TULP4: variants seen among roughly 807,000 people sequenced by gnomAD.
The protein encoded by TULP4 is tubby-related protein 4.
A neutral mutation model predicts 129.0 loss-of-function variants in TULP4; 16 were observed. That is an observed-to-expected ratio of 0.12 (90% CI 0.08 to 0.19). The LOEUF (loss-of-function observed/expected upper bound fraction) is 0.19, where lower values mean the gene tolerates loss of function less well. Ranked by LOEUF, TULP4 falls within the 10% of genes least tolerant of loss-of-function variation. The pLI is 1.00. For synonymous variants in TULP4, 998 were observed against 854.0 expected (o/e 1.17, Z -2.94); for missense variants, 1,842 against 2,059.1 (o/e 0.89, Z 2.04).
At chr6:158,487,872 C>T (rs1780108740) in intron 8 of TULP4, among the ~76,000 whole-genome samples, 1 of 152,232 alleles carries the variant, frequency 6.6e-6, no homozygotes, top group Non-Finnish European at 1.5e-5. Flanking sequence ...TTTATCAAGT[C>T]TCAGGTATTG....
In TULP4 at chr6:158,455,731, C is replaced by T. The variant is rs1231275226; in HGVS notation, c.859+3463C>T. Among the ~76,000 whole-genome samples the T allele has an allele frequency of 1.4e-4, 16 of 110,750 alleles. No homozygotes were observed. The South Asian group carries it at 2.3e-3, about 16-fold the overall frequency. The allele number at this position is 110,750 out of a possible 152,430, so 72.7% of individuals were successfully genotyped here. ...TAGCCTGGGTAACAGAGCAAGACTC[C>T]GTCTCAAAAAAAAAAAAAAAATTAT... On this transcript the variant is annotated intron_variant, in intron 5 of 13. Transcript: ENST00000367097.
At chr6:158,383,205 T>C (rs559126194) in intron 1 of TULP4, among the ~76,000 whole-genome samples, 1 of 152,174 alleles carries the variant, frequency 6.6e-6, no homozygotes, top group African/African-American at 2.4e-5. Context: ...GACTTCAGAC[T>C]GGGGTGCTTC....
chr6:158,346,815 C>CTTG (rs1197523950), intron 1 of TULP4, among the ~76,000 whole-genome samples: 1 of 19,406 alleles, frequency 5.2e-5, no homozygotes, highest in Non-Finnish European at 1.2e-4. Flanking sequence ...TTCCTCATGA[C>CTTG]TTGATGATGA....
At chr6:158,494,513 A>C (rs1047738420) in intron 10 of TULP4, among the ~76,000 whole-genome samples, 1 of 152,134 alleles carries the variant, frequency 6.6e-6, no homozygotes, top group Non-Finnish European at 1.5e-5. Context: ...ACCTGTGGAC[A>C]TACATACTGG....
At chr6:158,489,467 A>C in intron 8 of TULP4, 121 bp from the exon 9 acceptor site, 1 of 1,251,126 alleles carries the variant, frequency 8.0e-7, no homozygotes. Flanking sequence ...TTTGGTTTCA[A>C]CCTCTAGGTC....
intron 3 of TULP4, among the ~76,000 whole-genome samples, chr6:158,435,978 G>T (rs1429554770): frequency 2.0e-5 from 3 of 151,154 alleles, no homozygotes; most frequent in Non-Finnish European, 1.5e-5. Context: ...CCAGTGGCAC[G>T]ATCTCGGCTC....
upstream of TULP4, chr6:158,282,194 T>C (rs1433228414): frequency 2.6e-5 from 4 of 152,184 alleles, no homozygotes; most frequent in Non-Finnish European, 5.9e-5. Context: ...TTTAAGTACT[T>C]TGAATTTATG....
At chr6:158,506,536 A>G in intron 13 of TULP4, 42 bp from the exon 14 acceptor site, 1 of 1,394,106 alleles carries the variant, frequency 7.2e-7, no homozygotes, top group Admixed American at 1.7e-5. Flanking sequence ...TGGCCTTTTC[A>G]CCTTATTCTT....
chr6:158,410,415 G>C (rs1390673699), intron 1 of TULP4, among the ~76,000 whole-genome samples: 1 of 152,158 alleles, frequency 6.6e-6, no homozygotes. Flanking sequence ...ATGACATCTT[G>C]TCATCAAGTA....
At chr6:158,444,246 A>AAAAAAAT (rs1562568657) in intron 3 of TULP4, among the ~76,000 whole-genome samples, 1 of 86,706 alleles carries the variant, frequency 1.2e-5, no homozygotes, top group African/African-American at 4.0e-5. Flanking sequence ...AAAAAAAAAA[A>AAAAAAAT]TTTTTTTTTT....
chr6:158,392,801 T>TTTTTTTG (rs1777617316), intron 1 of TULP4, among the ~76,000 whole-genome samples: 1 of 104,502 alleles, frequency 9.6e-6, no homozygotes, highest in Non-Finnish European at 2.0e-5. Flanking sequence ...TTTCTTTTTT[T>TTTTTTTG]TTTTTTTTTT....
At chr6:158,268,166 G>C (rs1489795151) in intron 1 of TULP4, among the ~76,000 whole-genome samples, 2 of 151,184 alleles carry the variant, frequency 1.3e-5, no homozygotes, top group Non-Finnish European at 2.9e-5. Context: ...CTCCCGAGTA[G>C]CTGGGATTAC....
chr6:158,268,945 A>G (rs934703592), intron 1 of TULP4, among the ~76,000 whole-genome samples: 1 of 152,160 alleles, frequency 6.6e-6, no homozygotes, highest in Non-Finnish European at 1.5e-5. Flanking sequence ...CACTTTCTGC[A>G]TATTGCCAAA....
chr6:158,319,474 C>T (rs1052141748), intron 1 of TULP4, among the ~76,000 whole-genome samples: 2 of 152,136 alleles, frequency 1.3e-5, no homozygotes, highest in African/African-American at 2.4e-5. Context: ...GTGTCCCCAC[C>T]GGCCATCCCT....
At chr6:158,472,257 T>C (rs1779703449) in intron 6 of TULP4, among the ~76,000 whole-genome samples, 1 of 152,236 alleles carries the variant, frequency 6.6e-6, no homozygotes, top group Non-Finnish European at 1.5e-5. Context: ...AAAGGTTTTA[T>C]GGCCTTAACC....
At chr6:158,294,892 T>G (rs978936177) in intron 1 of TULP4, among the ~76,000 whole-genome samples, 2 of 152,146 alleles carry the variant, frequency 1.3e-5, no homozygotes, top group Admixed American at 1.3e-4. Context: ...CCAGCATGCC[T>G]GGCTAATTTT....
chr6:158,289,855 G>A (rs138628660), intron 1 of TULP4, among the ~76,000 whole-genome samples: 43 of 152,172 alleles, frequency 2.8e-4, no homozygotes, highest in African/African-American at 9.9e-4. Context: ...TGTTGGGATT[G>A]CACATGTAAT....
intron 1 of TULP4, among the ~76,000 whole-genome samples, chr6:158,382,347 T>C (rs1159730914): frequency 6.6e-6 from 1 of 152,180 alleles, no homozygotes; most frequent in Non-Finnish European, 1.5e-5. Context: ...TGGGTTTTGG[T>C]ACCCTGTGAC....
rs774770935 is a variant in TULP4 at position 158,503,486 on chromosome 6, C to A, written c.3823C>A (p.Pro1275Thr). 6.2e-7 allele frequency: 1 copy of A among 1,613,930 alleles called. No homozygotes were observed. Among genetic ancestry groups the A allele is most frequent in the Non-Finnish European group, 8.5e-7 (1 of 1,179,990 alleles). Reference sequence around the variant, plus strand: ...CAGCGCCTGCCCGCCCATGCAGAACCCCCAGGGCACTCTCCCCCCAAAGCC... The same window carrying A: ...CAGCGCCTGCCCGCCCATGCAGAACACCCAGGGCACTCTCCCCCCAAAGCC... ...SYSACPPMQN[P>T]QGTLPPKPHL... The change falls in exon 13 of 14, where the codon CCC (proline) becomes ACC (threonine). Residue 1275 changes from proline to threonine, a missense_variant. Around this residue, in one of 5 missense-constraint regions of TULP4, gnomAD observed 1,089 missense variants for 987.1 expected, o/e 1.10. Coordinates refer to ENST00000367097, the MANE Select transcript of TULP4 (RefSeq NM_020245.5). This position sits in a 1 kb window ranked among gnomAD's most constrained non-coding sequence, Gnocchi z 4.3.
Sources: gnomAD v4.1 joint callset for allele counts (sites outside exome capture counted in the v4.1 genomes callset) on GRCh38, gnomAD v4.1.1 for gene constraint, gnomAD v4.1.1 regional missense constraint, Gnocchi (gnomAD v3.1) non-coding constraint, MANE v1.5 for transcripts, NCBI Gene and HGNC (gene_info 2026-07-23, HGNC 2026-07-21) for gene names.